Variants in IQCJ observed in about 807,000 individuals in gnomAD.
IQCJ encodes IQ motif containing J.
A neutral mutation model predicts 11.0 loss-of-function variants in IQCJ; 9 were observed. The ratio of observed to expected loss-of-function variants is 0.82; its 90% confidence interval spans 0.49 to 1.43. IQCJ has a LOEUF of 1.43. Among genes scored for constraint, IQCJ ranks in the 40% most tolerant of loss-of-function variants. The probability of loss-of-function intolerance (pLI) is 0.00; values close to 1 mark genes in which losing one functional copy is unlikely to be tolerated. For synonymous variants in IQCJ, 55 were observed against 51.3 expected, an observed-to-expected ratio of 1.07 and a Z score of -0.31; for missense variants, 146 against 133.2, an observed-to-expected ratio of 1.10 and a Z score of -0.47.
At chr3:159,090,169 G>A (rs999080085) in intron 1 of IQCJ, among the ~76,000 whole-genome samples, 2 of 151,686 alleles carry the variant, frequency 1.3e-5, no homozygotes, top group African/African-American at 2.4e-5. Context: ...GTCTGTTGGA[G>A]TACTGGGCCC....
chr3:159,194,009 T>C (rs1240129088), intron 1 of IQCJ, among the ~76,000 whole-genome samples: 5 of 152,180 alleles, frequency 3.3e-5, no homozygotes, highest in Non-Finnish European at 1.5e-5. Context: ...CCTTCAGACA[T>C]TTTGATATTC....
chr3:159,112,657 T>G (rs2108122864), intron 1 of IQCJ, among the ~76,000 whole-genome samples: 1 of 152,284 alleles, frequency 6.6e-6, no homozygotes, highest in Non-Finnish European at 1.5e-5. Flanking sequence ...ACCTGGATGC[T>G]GACCGTAGCC....
chr3:159,104,041 T>A (rs1718093240), intron 1 of IQCJ, among the ~76,000 whole-genome samples: 1 of 152,208 alleles, frequency 6.6e-6, no homozygotes, highest in Non-Finnish European at 1.5e-5. Flanking sequence ...TCAGCAGGGC[T>A]GGTTGATGGG....
Position 159,107,678 on chromosome 3 carries a change from T to G in IQCJ, c.9+38237T>G, listed in dbSNP as rs946248543. Among the ~76,000 whole-genome samples the G allele has an allele frequency of 3.3e-5, 5 of 152,312 alleles. No individual in the cohort carries two copies. In the East Asian group the frequency reaches 9.6e-4, roughly 29 times the overall value. On this transcript the variant is annotated intron_variant, in intron 1 of 3. Transcript: ENST00000397832. Reference sequence around the variant, plus strand: ...CTCTAAGTGCTTTACATTTATTAACTAATCCTAAGGGCAACCAATGAGCTA... The same window carrying G: ...CTCTAAGTGCTTTACATTTATTAACGAATCCTAAGGGCAACCAATGAGCTA...
In IQCJ at chr3:159,262,949, CT is replaced by C; in HGVS notation, c.*224del. On this transcript the variant is annotated 3_prime_UTR_variant, in exon 4 of 4. Transcript: ENST00000397832. ...TCTCATTTCTCTATTATGGAGGTAT[CT>C]TTTTTGCTTTTCTTTATAATAGCAT... 7.8e-7 allele frequency: 1 copy of C among 1,283,320 alleles called. No homozygotes were observed. Among genetic ancestry groups the C allele is most frequent in the Non-Finnish European group, 9.9e-7 (1 of 1,013,964 alleles). The allele number at this position is 1,283,320 out of a possible 1,614,324, so 79.5% of individuals were successfully genotyped here.
chr3:159,142,423 T>C (rs565731817), intron 1 of IQCJ, among the ~76,000 whole-genome samples: 33 of 129,604 alleles, frequency 2.5e-4, no homozygotes, highest in South Asian at 9.2e-4. Context: ...GCAGGTCTTT[T>C]CCCCCCCCCA....
At chr3:159,156,606 A>T (rs1427182241) in intron 1 of IQCJ, among the ~76,000 whole-genome samples, 1 of 152,202 alleles carries the variant, frequency 6.6e-6, no homozygotes. Flanking sequence ...ATTGAACCTG[A>T]TGGGTGTTTT....
At chr3:159,254,218 G>A (rs1199527568) in intron 3 of IQCJ, among the ~76,000 whole-genome samples, 1 of 152,170 alleles carries the variant, frequency 6.6e-6, no homozygotes, top group East Asian at 1.9e-4. Flanking sequence ...ACAAATTAGA[G>A]TGTTTAATGT....
At chr3:159,167,346 C>T (rs1302087893) in intron 1 of IQCJ, among the ~76,000 whole-genome samples, 1 of 152,138 alleles carries the variant, frequency 6.6e-6, no homozygotes, top group Non-Finnish European at 1.5e-5. Flanking sequence ...TCATCCAAGT[C>T]ACGGAGCTGA....
At chr3:159,173,157 G>A (rs923850058) in intron 1 of IQCJ, among the ~76,000 whole-genome samples, 2 of 152,148 alleles carry the variant, frequency 1.3e-5, no homozygotes, top group Admixed American at 1.3e-4. Flanking sequence ...TTTAGGAGTA[G>A]ACCGTGAGCA....
chr3:159,152,964 T>C (rs1721313190), intron 1 of IQCJ, among the ~76,000 whole-genome samples: 1 of 152,154 alleles, frequency 6.6e-6, no homozygotes, highest in African/African-American at 2.4e-5. Flanking sequence ...CAAAGGCAAA[T>C]GTCACTCATA....
intron 1 of IQCJ, among the ~76,000 whole-genome samples, chr3:159,082,295 C>G (rs1716367504): frequency 6.6e-6 from 1 of 151,598 alleles, no homozygotes; most frequent in South Asian, 2.1e-4. Flanking sequence ...CTAGATTGTG[C>G]TTCTATTTGC....
intron 1 of IQCJ, among the ~76,000 whole-genome samples, chr3:159,198,124 T>G (rs1339251721): frequency 1.3e-5 from 2 of 152,194 alleles, no homozygotes; most frequent in African/African-American, 2.4e-5. Flanking sequence ...GAAATGAGCC[T>G]TTATCCTATT....
chr3:159,215,002 C>T (rs920991157), intron 1 of IQCJ, among the ~76,000 whole-genome samples: 1 of 152,152 alleles, frequency 6.6e-6, no homozygotes, highest in African/African-American at 2.4e-5. Flanking sequence ...AATCTTTTCC[C>T]ACTATCCTTC....
Position 159,231,128 on chromosome 3 carries a change from A to C in IQCJ, c.10-14715A>C, listed in dbSNP as rs575831640. Reference sequence around the variant, plus strand: ...GTAAGTTAGAAAGATATTTAGAATTAATGGGAAAAAAGATTCTGCTCCCAA... The same window carrying C: ...GTAAGTTAGAAAGATATTTAGAATTCATGGGAAAAAAGATTCTGCTCCCAA... On this transcript the variant is annotated intron_variant, in intron 1 of 3. Coordinates refer to ENST00000397832, the MANE Select transcript of IQCJ (RefSeq NM_001042706.3). Among the ~76,000 whole-genome samples, 7 of 152,308 alleles carry C rather than the reference A, an allele frequency of 4.6e-5. No homozygotes were observed. The South Asian group carries it at 1.5e-3, about 32-fold the overall frequency.
At chr3:159,119,348 T>C (rs576002894) in intron 1 of IQCJ, among the ~76,000 whole-genome samples, 2 of 152,332 alleles carry the variant, frequency 1.3e-5, no homozygotes, top group South Asian at 4.1e-4. Context: ...ATCTTCAGTC[T>C]TATAAAACTA....
intron 3 of IQCJ, among the ~76,000 whole-genome samples, chr3:159,261,727 A>G (rs1728219981): frequency 6.6e-6 from 1 of 152,210 alleles, no homozygotes; most frequent in Admixed American, 6.5e-5. Flanking sequence ...CCATGGGGGA[A>G]TCACTTAGCT....
In IQCJ at chr3:159,088,624, G is replaced by T. The variant is rs995521554; in HGVS notation, c.9+19183G>T. On this transcript the variant is annotated intron_variant, in intron 1 of 3. Coordinates refer to ENST00000397832, the MANE Select transcript of IQCJ (RefSeq NM_001042706.3). ...GCTCCTGTATTGGGTGCATATATATGCAGGATAGTTAGCTCTTCTTGTTGA... is the reference window on the plus strand; with the variant it reads ...GCTCCTGTATTGGGTGCATATATATTCAGGATAGTTAGCTCTTCTTGTTGA... 3.0e-3 allele frequency among the ~76,000 whole-genome samples: 457 copies of T among 152,212 alleles called. 4 individuals carry two copies. Among genetic ancestry groups the T allele is most frequent in the African/African-American group, 9.5e-3 (396 of 41,528 alleles).
chr3:159,090,320 G>A (rs555586024), intron 1 of IQCJ, among the ~76,000 whole-genome samples: 6 of 151,914 alleles, frequency 3.9e-5, no homozygotes, highest in African/African-American at 1.5e-4. Flanking sequence ...GAGAACCACT[G>A]CTCTCTTCAA....
Sources: allele counts gnomAD v4.1 joint callset (sites outside exome capture counted in the v4.1 genomes callset), GRCh38; gene constraint gnomAD v4.1.1; transcripts MANE v1.5; gene names NCBI Gene and HGNC (gene_info 2026-07-23, HGNC 2026-07-21).